Variants in ANKRD28 observed in about 807,000 individuals in gnomAD.
ANKRD28 encodes serine/threonine-protein phosphatase 6 regulatory ankyrin repeat subunit A.
In ANKRD28, 44 loss-of-function variants were observed where a neutral mutation model predicts 126.5. That is an observed-to-expected ratio of 0.35 (90% CI 0.27 to 0.45). The LOEUF is 0.45. Ranked by LOEUF, ANKRD28 falls within the 20% of genes least tolerant of loss-of-function variation. The pLI is 1.00. For synonymous variants in ANKRD28, 442 were observed against 468.5 expected, an observed-to-expected ratio of 0.94 and a Z score of 0.73; for missense variants, 1,110 against 1,316.6, an observed-to-expected ratio of 0.84 and a Z score of 2.43.
chr3:15,677,488 A>G lies in ANKRD28; in HGVS notation c.2782T>C (p.Cys928Arg). The change falls in exon 25 of 28, where the codon TGT becomes CGT. Residue 928 changes from cysteine (C) to arginine (R), a missense_variant. Cys to Arg is a radical substitution (Grantham distance 180). Coordinates refer to ENST00000683139, the MANE Select transcript of ANKRD28 (RefSeq NM_001349278.2). ...NSKNTALHLA[C>R]SKGHETSALL... ...TTAAGATGTATACATACCTTGCTAC[A>G]AGCCAAATGGAGGGCAGTATTTTTA... 1 of 1,611,242 alleles carries G rather than the reference A, an allele frequency of 6.2e-7. No individual in the cohort carries two copies. The highest frequency in any genetic ancestry group is 8.5e-7 in the Non-Finnish European group (1 of 1,177,658).
intron 3 of ANKRD28, among the ~76,000 whole-genome samples, chr3:15,763,575 T>C (rs2125523166): frequency 6.6e-6 from 1 of 152,264 alleles, no homozygotes; most frequent in South Asian, 2.1e-4. Context: ...GATTAGGTGG[T>C]AGTGGTAGTG....
intron 1 of ANKRD28, among the ~76,000 whole-genome samples, chr3:15,857,717 C>T (rs2061804984): frequency 6.6e-6 from 1 of 152,218 alleles, no homozygotes; most frequent in African/African-American, 2.4e-5. Context: ...TAACACAATC[C>T]TGAAAAACAC....
chr3:15,797,454 A>T lies in ANKRD28; in HGVS notation c.-933T>A. 1.0e-6 allele frequency: 1 copy of T among 985,426 alleles called. No individual in the cohort carries two copies. Among genetic ancestry groups the T allele is most frequent in the African/African-American group, 1.7e-5 (1 of 57,342 alleles). The allele number at this position is 985,426 out of a possible 1,614,324, so 61.0% of individuals were successfully genotyped here. A position where few individuals can be genotyped will look rare whatever the true frequency, so the allele number is the denominator to read the frequency against. On this transcript the variant is annotated 5_prime_UTR_variant, in exon 1 of 28. Coordinates refer to ENST00000683139, the MANE Select transcript of ANKRD28 (RefSeq NM_001349278.2). ...GCTCCAGCAAAAGGGCACAGGCACC[A>T]GGCAGAAATGGTGTTAGTGGAGAAT...
Position 15,674,174 on chromosome 3 carries a change from CAAAAA to C in ANKRD28, c.2965+1719_2965+1723del, listed in dbSNP as rs34806568. On this transcript the variant is annotated intron_variant, in intron 27 of 27. Transcript: ENST00000683139. ...GCAACAGAGTGAGACCCTGCCTCTT[CAAAAA>C]AAAAAAAAAAAAAAAAAAAGAAGAA... 2.0e-4 allele frequency among the ~76,000 whole-genome samples: 8 copies of C among 40,286 alleles called. 1 individual carries two copies. Among genetic ancestry groups the C allele is most frequent in the Admixed American group, 1.8e-3 (4 of 2,254 alleles). The allele number at this position is 40,286 out of a possible 152,430, so 26.4% of individuals were successfully genotyped here.
At chr3:15,736,940 G>T in intron 5 of ANKRD28, 93 bp downstream of exon 5, 1 of 1,254,300 alleles carries the variant, frequency 8.0e-7, no homozygotes, top group Non-Finnish European at 1.1e-6. Context: ...AAATAGTTCT[G>T]TATGCCTTTA....
At chr3:15,777,246 T>C (rs2059318776) in intron 2 of ANKRD28, among the ~76,000 whole-genome samples, 1 of 135,512 alleles carries the variant, frequency 7.4e-6, no homozygotes, top group Admixed American at 8.3e-5. Context: ...TGTACCAGCC[T>C]AGGTGACAGA....
chr3:15,768,514 G>T (rs572548118), intron 2 of ANKRD28, among the ~76,000 whole-genome samples: 1 of 152,084 alleles, frequency 6.6e-6, no homozygotes, highest in South Asian at 2.1e-4. Context: ...AAATTAGCTG[G>T]GCTGGTGGCA....
At chr3:15,837,257 G>C (rs1405756009) in intron 1 of ANKRD28, among the ~76,000 whole-genome samples, 7 of 152,018 alleles carry the variant, frequency 4.6e-5, no homozygotes, top group African/African-American at 1.7e-4. Flanking sequence ...AAACAAGAAA[G>C]CAGGGAATTA....
intron 23 of ANKRD28, 89 bp downstream of exon 23, chr3:15,679,212 C>T (rs2067267946): frequency 1.6e-6 from 2 of 1,263,204 alleles, no homozygotes; most frequent in Non-Finnish European, 1.2e-6. Context: ...TCAAGTCATC[C>T]TCCCACTTCA....
rs1411815491 is a variant in ANKRD28 at position 15,751,762 on chromosome 3, T to A, written c.339A>T (p.Ala113=). Residue 113 remains alanine, a synonymous_variant, in exon 4 of 28, where the codon GCA becomes GCT. Transcript: ENST00000683139. ...KWLTPLHRAV[A]SCSEEAVQVL... ...AGAAATTTCATACCTCACTACAAGA[T>A]GCAACTGCTCTGTGTAAAGGTGTCA... 5.0e-6 allele frequency: 8 copies of A among 1,585,628 alleles called. No individual in the cohort carries two copies. The highest frequency in any genetic ancestry group is 6.9e-6 in the Non-Finnish European group (8 of 1,165,296).
At chr3:15,722,507 T>C (rs2073836907) in intron 7 of ANKRD28, among the ~76,000 whole-genome samples, 1 of 152,134 alleles carries the variant, frequency 6.6e-6, no homozygotes, top group African/African-American at 2.4e-5. Flanking sequence ...ACCACAACCA[T>C]GAGTACAAAG....
At chr3:15,747,301 G>A (rs2057542207) in intron 4 of ANKRD28, among the ~76,000 whole-genome samples, 1 of 151,290 alleles carries the variant, frequency 6.6e-6, no homozygotes, top group African/African-American at 2.4e-5. Flanking sequence ...GTCTATTTGT[G>A]CTCTTTCAGA....
chr3:15,747,270 T>G (rs1327353816), intron 4 of ANKRD28, among the ~76,000 whole-genome samples: 1 of 151,888 alleles, frequency 6.6e-6, no homozygotes, highest in East Asian at 1.9e-4. Context: ...TCTCCAGTTC[T>G]GTGAGGTATG....
At chr3:15,741,908 C>T (rs1289241870) in intron 4 of ANKRD28, among the ~76,000 whole-genome samples, 1 of 151,764 alleles carries the variant, frequency 6.6e-6, no homozygotes, top group East Asian at 1.9e-4. Flanking sequence ...GACTGGTTTT[C>T]GTATTTTTTT....
intron 1 of ANKRD28, among the ~76,000 whole-genome samples, chr3:15,810,002 A>G (rs1409331242): frequency 6.6e-6 from 1 of 152,208 alleles, no homozygotes; most frequent in Non-Finnish European, 1.5e-5. Context: ...ATAGGTTTGC[A>G]TAAAATAAGG....
At chr3:15,809,895 T>A (rs1045700208) in intron 1 of ANKRD28, among the ~76,000 whole-genome samples, 1 of 152,186 alleles carries the variant, frequency 6.6e-6, no homozygotes, top group Non-Finnish European at 1.5e-5. Context: ...CTTGTTGCAA[T>A]TCAAGTATAC....
Position 15,804,806 on chromosome 3 carries a change from C to T in ANKRD28, c.28-9500G>A, listed in dbSNP as rs184770694. 1.2e-4 allele frequency among the ~76,000 whole-genome samples: 18 copies of T among 145,310 alleles called. 4 individuals carry two copies. The East Asian group carries it at 4.8e-3, about 39-fold the overall frequency. On this transcript the variant is annotated intron_variant, in intron 1 of 27. Coordinates refer to the ANKRD28 transcript ENST00000399451. ...CAAAGAAATGAAATCACCTAGATGA[C>T]AGACAAACATGATCCAGATGTGGAA...
intron 2 of ANKRD28, among the ~76,000 whole-genome samples, chr3:15,782,361 AT>A (rs1328105268): frequency 6.6e-6 from 1 of 152,176 alleles, no homozygotes; most frequent in African/African-American, 2.4e-5. Context: ...AGGACAAAAA[AT>A]TATAAAATAC....
chr3:15,735,304 G>T, intron 6 of ANKRD28, 106 bp downstream of exon 6: 1 of 927,508 alleles, frequency 1.1e-6, no homozygotes, highest in Non-Finnish European at 1.6e-6. Flanking sequence ...ATACTGTGTA[G>T]CTTTTCAGTA....
Sources: gnomAD v4.1 joint callset for allele counts (sites outside exome capture counted in the v4.1 genomes callset) on GRCh38, gnomAD v4.1.1 for gene constraint, MANE v1.5 for transcripts, NCBI Gene and HGNC (gene_info 2026-07-23, HGNC 2026-07-21) for gene names.